The following ACOXL variants were observed in gnomAD, a reference collection of about 807,000 sequenced individuals.
The protein encoded by ACOXL is acyl-coenzyme A oxidase-like protein.
Under a neutral mutation model 71.9 loss-of-function variants are expected in ACOXL, and 70 were observed. The ratio of observed to expected loss-of-function variants is 0.97; its 90% CI spans 0.80 to 1.19. The LOEUF is 1.19. ACOXL is among the 50% of genes most tolerant of loss of function. The probability of loss-of-function intolerance (pLI) is 0.00; values close to 1 mark genes in which losing one functional copy is unlikely to be tolerated. For missense variants in ACOXL, 703 were observed against 736.3 expected (o/e 0.95, Z 0.52); for synonymous variants, 253 against 281.6 (o/e 0.90, Z 1.02).
At chr2:110,990,087 A>G (rs1422078943) in intron 13 of ACOXL, among the ~76,000 whole-genome samples, 1 of 152,164 alleles carries the variant, frequency 6.6e-6, no homozygotes, top group Non-Finnish European at 1.5e-5. Flanking sequence ...TTTGTTATTT[A>G]CCATTTGTTA....
intron 10 of ACOXL, among the ~76,000 whole-genome samples, chr2:110,881,503 G>A (rs368844571): frequency 7.9e-5 from 12 of 152,118 alleles, no homozygotes; most frequent in East Asian, 3.9e-4. Flanking sequence ...TAAACTGTGC[G>A]TGTTTAAAAT....
chr2:110,742,551 C>T (rs1244888309), intron 1 of ACOXL, among the ~76,000 whole-genome samples: 1 of 152,166 alleles, frequency 6.6e-6, no homozygotes, highest in Non-Finnish European at 1.5e-5. Context: ...GCTCCTGGGG[C>T]CCTTCGTCAC....
chr2:111,104,174 C>T (rs902478586), intron 17 of ACOXL, among the ~76,000 whole-genome samples: 7 of 152,184 alleles, frequency 4.6e-5, no homozygotes, highest in Admixed American at 1.3e-4. Context: ...TCCTTTTTAT[C>T]GCTAAGTAGT....
At chr2:111,019,363 A>G (rs1190951525) in intron 14 of ACOXL, among the ~76,000 whole-genome samples, 1 of 152,256 alleles carries the variant, frequency 6.6e-6, no homozygotes, top group Non-Finnish European at 1.5e-5. Flanking sequence ...TCAGGAGAGT[A>G]GAGTTCAAAT....
intron 11 of ACOXL, among the ~76,000 whole-genome samples, chr2:110,910,743 T>C (rs2059623343): frequency 6.6e-6 from 1 of 152,230 alleles, no homozygotes; most frequent in South Asian, 2.1e-4. Flanking sequence ...CCATTGTATA[T>C]CTTCTCTGTG....
At chr2:110,948,532 G>A (rs547095623) in intron 12 of ACOXL, among the ~76,000 whole-genome samples, 4 of 151,864 alleles carry the variant, frequency 2.6e-5, no homozygotes, top group East Asian at 2.0e-4. Context: ...CAAAGCCCAC[G>A]TACTGGAGCT....
chr2:110,799,187 A>C, intron 7 of ACOXL, 87 bp downstream of exon 7: 1 of 1,342,474 alleles, frequency 7.4e-7, no homozygotes, highest in Non-Finnish European at 1.1e-6. Flanking sequence ...ACGTTATATT[A>C]CCGAAGCACT....
intron 16 of ACOXL, among the ~76,000 whole-genome samples, chr2:111,057,344 A>G (rs1215344258): frequency 2.0e-5 from 3 of 152,184 alleles, no homozygotes; most frequent in Non-Finnish European, 4.4e-5. Context: ...GGGTATCCAG[A>G]AACTTCCATT....
chr2:110,786,570 C>T (rs1683985972), intron 3 of ACOXL, among the ~76,000 whole-genome samples: 1 of 152,238 alleles, frequency 6.6e-6, no homozygotes, highest in African/African-American at 2.4e-5. Context: ...TACCATGTTG[C>T]ACCCCCACCC....
chr2:110,767,389 C>T (rs1287205619), intron 1 of ACOXL, among the ~76,000 whole-genome samples: 3 of 152,112 alleles, frequency 2.0e-5, no homozygotes, highest in Non-Finnish European at 4.4e-5. Context: ...GGTCTGGCTT[C>T]CTTGCAAAGA....
intron 2 of ACOXL, among the ~76,000 whole-genome samples, chr2:110,770,989 C>T (rs193104266): frequency 9.5e-4 from 144 of 152,334 alleles, no homozygotes; most frequent in African/African-American, 3.3e-3. Flanking sequence ...GTTTTCCTGG[C>T]TCACTTAGTG....
chr2:110,798,851 A>G (rs1573567431), intron 6 of ACOXL, 127 bp downstream of exon 6: 2 of 1,139,854 alleles, frequency 1.8e-6, no homozygotes, highest in South Asian at 1.3e-5. Flanking sequence ...CCTAATATGC[A>G]TGAAGAAATT....
chr2:110,838,053 C>T (rs1391002554), intron 9 of ACOXL, among the ~76,000 whole-genome samples: 1 of 152,352 alleles, frequency 6.6e-6, no homozygotes, highest in East Asian at 1.9e-4. Flanking sequence ...CCATGAGCCT[C>T]TCTGAATGCC....
At chr2:110,970,315 A>G (rs879711481) in intron 12 of ACOXL, among the ~76,000 whole-genome samples, 1 of 152,224 alleles carries the variant, frequency 6.6e-6, no homozygotes, top group African/African-American at 2.4e-5. Context: ...TTTATCTCTG[A>G]TATGCAAGTA....
chr2:111,026,649 G>A (rs916317677), intron 14 of ACOXL, among the ~76,000 whole-genome samples: 1 of 151,904 alleles, frequency 6.6e-6, no homozygotes, highest in African/African-American at 2.4e-5. Context: ...ATTGATTTTT[G>A]TATATCAATC....
intron 12 of ACOXL, among the ~76,000 whole-genome samples, chr2:110,943,162 GAAA>G (rs34037443): frequency 1.5e-5 from 2 of 136,626 alleles, no homozygotes; most frequent in Non-Finnish European, 3.1e-5. Flanking sequence ...GAAAGAAAAA[GAAA>G]AAGGGAGGGA....
chr2:110,899,270 A>G (rs1475875040), intron 10 of ACOXL, among the ~76,000 whole-genome samples: 1 of 152,240 alleles, frequency 6.6e-6, no homozygotes, highest in East Asian at 1.9e-4. Flanking sequence ...GCATTAAGAA[A>G]TGGATGCACA....
chr2:110,877,228 G>A (rs1696039884), intron 10 of ACOXL, among the ~76,000 whole-genome samples: 1 of 152,218 alleles, frequency 6.6e-6, no homozygotes, highest in Non-Finnish European at 1.5e-5. Context: ...GCAGAGGGTC[G>A]TGCTGGCTGC....
At chr2:110,766,022 C>T (rs1273904455) in intron 1 of ACOXL, among the ~76,000 whole-genome samples, 3 of 152,074 alleles carry the variant, frequency 2.0e-5, no homozygotes, top group African/African-American at 7.2e-5. Flanking sequence ...TTCTTTGATA[C>T]AATTTTCTGT....
Sources: allele counts gnomAD v4.1 joint callset (sites outside exome capture counted in the v4.1 genomes callset), GRCh38; gene constraint gnomAD v4.1.1; transcripts MANE v1.5; gene names NCBI Gene and HGNC (gene_info 2026-07-23, HGNC 2026-07-21).